MTUS2: variants seen among roughly 807,000 people sequenced by gnomAD.
MTUS2 encodes the protein microtubule associated scaffold protein 2, also known as microtubule-associated tumor suppressor candidate 2.
MTUS2 carries 40 observed loss-of-function variants against 114.1 expected under a neutral mutation model. The ratio of observed to expected loss-of-function variants is 0.35; its 90% CI spans 0.27 to 0.46. The LOEUF (loss-of-function observed/expected upper bound fraction) is 0.46. Among genes scored for constraint, MTUS2 ranks in the 20% least tolerant of loss-of-function variants. The pLI is 1.00. For missense variants in MTUS2, 1,679 were observed against 1,705.4 expected (o/e 0.98, Z 0.27); for synonymous variants, 688 against 672.0 (o/e 1.02, Z -0.37).
At chr13:29,197,158 C>T (rs1018734812) in intron 5 of MTUS2, among the ~76,000 whole-genome samples, 12 of 152,096 alleles carry the variant, frequency 7.9e-5, no homozygotes, top group African/African-American at 2.7e-4. Flanking sequence ...CCCATCAACC[C>T]ATCATCTGGA....
In MTUS2 at chr13:29,487,739, G is replaced by A. The variant is rs562254704; in HGVS notation, c.3400-161G>A. Reference sequence around the variant, plus strand: ...GTGGCAGTGACCTCCCCGTGATTCCGAGGGCTGCCACATCACCACCAAAGT... The same window carrying A: ...GTGGCAGTGACCTCCCCGTGATTCCAAGGGCTGCCACATCACCACCAAAGT... On this transcript the variant is annotated intron_variant, in intron 10 of 15. Transcript: ENST00000612955. 1.1e-3 allele frequency: 730 copies of A among 641,544 alleles called. 5 individuals carry two copies. The African/African-American group carries it at 0.012, about 11-fold the overall frequency. The allele number at this position is 641,544 out of a possible 1,614,324, so 39.7% of individuals were successfully genotyped here. A position where few individuals can be genotyped will look rare whatever the true frequency, so the allele number is the denominator to read the frequency against.
intron 5 of MTUS2, among the ~76,000 whole-genome samples, chr13:29,249,011 A>T (rs918747883): frequency 1.3e-5 from 2 of 152,236 alleles, no homozygotes; most frequent in African/African-American, 4.8e-5. Flanking sequence ...TTCTTTCGAC[A>T]GAGTCTCGCT....
chr13:29,297,323 C>A (rs1056090703), intron 6 of MTUS2, among the ~76,000 whole-genome samples: 1 of 152,132 alleles, frequency 6.6e-6, no homozygotes, highest in African/African-American at 2.4e-5. Context: ...TTATGAAAGT[C>A]GTTTCTTATT....
intron 5 of MTUS2, among the ~76,000 whole-genome samples, chr13:29,273,829 G>A (rs1194392341): frequency 6.6e-6 from 1 of 151,976 alleles, no homozygotes; most frequent in Non-Finnish European, 1.5e-5. Flanking sequence ...ATTCATGCAT[G>A]GTATATAGCA....
intron 5 of MTUS2, among the ~76,000 whole-genome samples, chr13:29,274,574 G>T (rs187171405): frequency 6.6e-6 from 1 of 152,132 alleles, no homozygotes; most frequent in African/African-American, 2.4e-5. Context: ...GGTTTGAAGT[G>T]GTATCTCATT....
chr13:29,037,371 G>C (rs1887130972), intron 4 of MTUS2, among the ~76,000 whole-genome samples: 1 of 152,188 alleles, frequency 6.6e-6, no homozygotes, highest in African/African-American at 2.4e-5. Context: ...AGTTTCTGCT[G>C]AGAGATCCAC....
chr13:28,881,223 G>A (rs1235606932), intron 2 of MTUS2, among the ~76,000 whole-genome samples: 2 of 152,230 alleles, frequency 1.3e-5, no homozygotes, highest in Admixed American at 6.5e-5. Flanking sequence ...GAGAACATGC[G>A]GTATTTGATT....
At chr13:29,339,809 C>T in intron 7 of MTUS2, 1 of 154,842 alleles carries the variant, frequency 6.5e-6, no homozygotes, top group Non-Finnish European at 1.4e-5. Flanking sequence ...GACTTTGCAG[C>T]CATCCTTGAC....
rs984339783 is a variant in MTUS2, at chr13:29,316,564, G to A, written c.2807-8049G>A. 4.6e-5 allele frequency among the ~76,000 whole-genome samples: 7 copies of A among 152,114 alleles called. No homozygotes were observed. The East Asian group carries it at 5.8e-4, about 13-fold the overall frequency. ...TGCTTCTTTCCTTCAAATGGAATCA[G>A]ACTCTACTTGGATCCATTGTGCTTC... On this transcript the variant is annotated intron_variant, in intron 6 of 15. Transcript: ENST00000612955.
intron 2 of MTUS2, among the ~76,000 whole-genome samples, chr13:28,942,570 C>T (rs1302928835): frequency 6.6e-6 from 1 of 152,236 alleles, no homozygotes; most frequent in African/African-American, 2.4e-5. Flanking sequence ...CCCAGATGTC[C>T]TTCAGTAAGA....
At chr13:29,487,216 C>T (rs1300350354) in intron 10 of MTUS2, among the ~76,000 whole-genome samples, 3 of 152,108 alleles carry the variant, frequency 2.0e-5, no homozygotes, top group South Asian at 2.1e-4. Flanking sequence ...CTGGTATTGG[C>T]GAGAGAATCC....
chr13:28,980,463 T>C (rs924178721), intron 2 of MTUS2, among the ~76,000 whole-genome samples: 2 of 152,188 alleles, frequency 1.3e-5, no homozygotes, highest in Non-Finnish European at 2.9e-5. Context: ...TTTGCAAATA[T>C]ATGTTGTGCT....
At chr13:29,115,360 GA>G (rs1248221501) in intron 5 of MTUS2, among the ~76,000 whole-genome samples, 2 of 152,206 alleles carry the variant, frequency 1.3e-5, no homozygotes, top group African/African-American at 4.8e-5. Flanking sequence ...ACTGGAGTTT[GA>G]ATATCAAGGA....
At chr13:28,954,644 T>A (rs1298189378) in intron 2 of MTUS2, among the ~76,000 whole-genome samples, 1 of 151,354 alleles carries the variant, frequency 6.6e-6, no homozygotes, top group Non-Finnish European at 1.5e-5. Flanking sequence ...GAAGCAGAGG[T>A]AGGATTTTAA....
intron 2 of MTUS2, among the ~76,000 whole-genome samples, chr13:29,000,968 A>G (rs1441201672): frequency 6.6e-6 from 1 of 152,190 alleles, no homozygotes. Context: ...AGTTCCGCTG[A>G]ACACTTGTCA....
chr13:29,392,577 G>A (rs79245492), intron 8 of MTUS2, among the ~76,000 whole-genome samples: 5,845 of 152,244 alleles, frequency 0.038, 392 homozygotes, highest in African/African-American at 0.13. Context: ...TTTACCTACA[G>A]TAAAATTCAC....
intron 1 of MTUS2, among the ~76,000 whole-genome samples, chr13:28,833,120 C>T (rs1216037248): frequency 3.9e-5 from 6 of 151,988 alleles, no homozygotes; most frequent in Non-Finnish European, 5.9e-5. Flanking sequence ...ATGGCTTCAA[C>T]GGTAAATTCT....
chr13:29,063,438 T>C (rs1888513172), intron 4 of MTUS2, among the ~76,000 whole-genome samples: 1 of 152,204 alleles, frequency 6.6e-6, no homozygotes, highest in South Asian at 2.1e-4. Context: ...TTTAAAGGAA[T>C]AGATGAGAGT....
chr13:29,282,896 G>A (rs1409622822), intron 6 of MTUS2, among the ~76,000 whole-genome samples: 1 of 152,166 alleles, frequency 6.6e-6, no homozygotes, highest in Admixed American at 6.5e-5. Flanking sequence ...TTCAGTGGCT[G>A]CATGCTGTGG....
Sources: allele counts gnomAD v4.1 joint callset (sites outside exome capture counted in the v4.1 genomes callset), GRCh38; gene constraint gnomAD v4.1.1; transcripts MANE v1.5; gene names NCBI Gene and HGNC (gene_info 2026-07-23, HGNC 2026-07-21).